Variants in EYS observed in about 807,000 individuals in gnomAD.
EYS encodes protein eyes shut homolog.
Under a neutral mutation model 282.1 loss-of-function variants are expected in EYS, and 250 were observed. The observed-to-expected ratio is 0.89, with a 90% CI of 0.80 to 0.98. The LOEUF is 0.98. EYS is among the 50% of genes least tolerant of loss of function. EYS has a pLI of 0.00. For synonymous variants in EYS, 1,355 were observed against 1,282.9 expected (o/e 1.06, Z -1.20); for missense variants, 4,016 against 3,709.0 (o/e 1.08, Z -2.15).
intron 15 of EYS, among the ~76,000 whole-genome samples, chr6:64,915,912 TTTTTC>T (rs546977291): frequency 2.0e-5 from 3 of 152,150 alleles, no homozygotes; most frequent in Admixed American, 6.5e-5. Context: ...CAAGTTCCTG[TTTTTC>T]TTTTCTTTTC....
intron 29 of EYS, among the ~76,000 whole-genome samples, chr6:64,310,060 T>TAAAAAAAAAAAAA (rs1554142121): frequency 1.2e-5 from 1 of 85,580 alleles, no homozygotes; most frequent in African/African-American, 5.9e-5. Flanking sequence ...TTATTAAAAG[T>TAAAAAAAAAAAAA]AAAAAAAATA....
rs567450190 is a variant in EYS at position 65,544,303 on chromosome 6, G to T, written c.-332-48310C>A. 3.9e-5 allele frequency among the ~76,000 whole-genome samples: 6 copies of T among 152,120 alleles called. No individual in the cohort carries two copies. The South Asian group carries it at 1.2e-3, about 32-fold the overall frequency. On this transcript the variant is annotated intron_variant, in intron 2 of 42. Transcript: ENST00000503581. ...AGTCTATTTTGCAGAATGTCATTTT[G>T]TGCATATTTTCCAATTTAATAGTTG...
intron 24 of EYS, among the ~76,000 whole-genome samples, chr6:64,614,005 G>C (rs574338520): frequency 8.3e-4 from 127 of 152,188 alleles, no homozygotes; most frequent in African/African-American, 2.9e-3. Flanking sequence ...ATGGGGTACA[G>C]AGAAGCACAT....
rs545944469 is a variant in EYS, at chr6:64,295,233, G to T, written c.6191+11737C>A. Among the ~76,000 whole-genome samples the T allele has an allele frequency of 2.7e-4, 40 of 146,496 alleles. 1 individual carries two copies. In the East Asian group the frequency reaches 7.0e-3, roughly 26 times the overall value. ...ACTAAAAATATTTAAAAAATTAGCC[G>T]TTTTTTTAGTTAATGGGTGCAGCAC... On this transcript the variant is annotated intron_variant, in intron 30 of 42. Transcript: ENST00000503581.
chr6:64,578,851 TTGAGGGGTTTAAGTAATATCTTAATTAC>T (rs920173092), intron 26 of EYS, among the ~76,000 whole-genome samples: 1 of 152,062 alleles, frequency 6.6e-6, no homozygotes, highest in African/African-American at 2.4e-5. Flanking sequence ...GATAACACTG[TTGAGGGGTTTAAGTAATATCTTAATTAC>T]TGACATTAAA....
chr6:64,787,867 T>C (rs1467703137), intron 22 of EYS, among the ~76,000 whole-genome samples: 1 of 151,884 alleles, frequency 6.6e-6, no homozygotes, highest in Non-Finnish European at 1.5e-5. Context: ...TCTTTAATTT[T>C]CAATTTTTCC....
chr6:64,545,551 T>C (rs984267269), intron 26 of EYS, among the ~76,000 whole-genome samples: 6 of 152,054 alleles, frequency 3.9e-5, no homozygotes, highest in African/African-American at 1.4e-4. Context: ...AAATAAAGGG[T>C]ATTCAGTTAG....
Position 64,821,718 on chromosome 6 carries a change from G to A in EYS, c.3170C>T (p.Thr1057Ile), listed in dbSNP as rs1410678008. 1.3e-6 allele frequency: 2 copies of A among 1,504,948 alleles called. No homozygotes were observed. The highest frequency in any genetic ancestry group is 1.8e-6 in the Non-Finnish European group (2 of 1,108,432). 93.2% of individuals were successfully genotyped at this position (1,504,948 alleles called of 1,614,324 possible). The change falls in exon 21 of 43, where the codon ACA (threonine) becomes ATA (isoleucine). Residue 1057 changes from threonine to isoleucine, a missense_variant. By Grantham distance (89) the Thr-to-Ile change is moderately conservative (BLOSUM62 -1). Transcript: ENST00000503581. Reference protein sequence around the residue: ...LSNPCLHGRCTELINEYPCSC... With the variant: ...LSNPCLHGRCIELINEYPCSC... The stretch of plus-strand genomic sequence containing the variant: ...ACATGGATATTCATTAATAAGTTCT[G>A]TGCACCTGAAACACAGAATTAGAAT...
chr6:65,494,275 A>ATTTTC (rs1156251679), intron 4 of EYS, among the ~76,000 whole-genome samples: 4 of 150,828 alleles, frequency 2.7e-5, no homozygotes, highest in Admixed American at 2.0e-4. Flanking sequence ...ATTTTATTTT[A>ATTTTC]TTTTTATTTT....
At chr6:64,478,602 AC>A (rs1445885997) in intron 26 of EYS, among the ~76,000 whole-genome samples, 1 of 151,004 alleles carries the variant, frequency 6.6e-6, no homozygotes, top group African/African-American at 2.4e-5. Flanking sequence ...TATTAATAAT[AC>A]TAATATTTAT....
intron 30 of EYS, among the ~76,000 whole-genome samples, chr6:64,300,627 C>T (rs1241979046): frequency 1.3e-5 from 2 of 152,124 alleles, no homozygotes; most frequent in East Asian, 1.9e-4. Flanking sequence ...CCCTGGAATT[C>T]GCCCATTTTT....
At chr6:64,744,946 T>C (rs991195570) in intron 22 of EYS, among the ~76,000 whole-genome samples, 17 of 152,146 alleles carry the variant, frequency 1.1e-4, no homozygotes, top group African/African-American at 4.1e-4. Context: ...TATTAAAAAC[T>C]CTGGAACAGT....
At chr6:64,523,403 A>T (rs891157409) in intron 26 of EYS, among the ~76,000 whole-genome samples, 2 of 151,788 alleles carry the variant, frequency 1.3e-5, no homozygotes, top group African/African-American at 2.4e-5. Flanking sequence ...ATAACTATCC[A>T]TAAAGCCATG....
chr6:65,153,876 C>G (rs190819121), intron 12 of EYS, among the ~76,000 whole-genome samples: 214 of 151,884 alleles, frequency 1.4e-3, no homozygotes, highest in African/African-American at 4.7e-3. Context: ...ACTATTATGG[C>G]CTTCTCTTCA....
intron 8 of EYS, among the ~76,000 whole-genome samples, chr6:65,366,384 T>G (rs1764913648): frequency 7.6e-6 from 1 of 132,126 alleles, no homozygotes; most frequent in African/African-American, 2.8e-5. Context: ...CTGCTTTTGG[T>G]TTTTCCTGAT....
chr6:64,085,207 C>T (rs1772102800), intron 31 of EYS, among the ~76,000 whole-genome samples: 1 of 151,876 alleles, frequency 6.6e-6, no homozygotes, highest in Non-Finnish European at 1.5e-5. Flanking sequence ...GGCTCCTGAC[C>T]CCAAGTGATC....
intron 35 of EYS, among the ~76,000 whole-genome samples, chr6:63,876,751 T>A (rs559262497): frequency 5.1e-4 from 77 of 152,318 alleles, no homozygotes; most frequent in Admixed American, 4.6e-3. Flanking sequence ...TGATCTTTGT[T>A]GATTTAAAGT....
chr6:64,947,842 C>A (rs926442832), intron 14 of EYS, among the ~76,000 whole-genome samples: 2 of 151,706 alleles, frequency 1.3e-5, no homozygotes, highest in Non-Finnish European at 3.0e-5. Flanking sequence ...ATAAAATCTT[C>A]GGGACATGCC....
intron 22 of EYS, among the ~76,000 whole-genome samples, chr6:64,676,033 T>G (rs1025700054): frequency 2.7e-5 from 4 of 149,290 alleles, no homozygotes; most frequent in Admixed American, 6.7e-5. Flanking sequence ...TAGATATATA[T>G]AGATATACAT....
Sources: allele counts gnomAD v4.1 joint callset (sites outside exome capture counted in the v4.1 genomes callset), GRCh38; gene constraint gnomAD v4.1.1; transcripts MANE v1.5; gene names NCBI Gene and HGNC (gene_info 2026-07-23, HGNC 2026-07-21).